The following LRRK2 variants were observed in gnomAD, a reference collection of about 807,000 sequenced individuals.
LRRK2 encodes leucine rich repeat kinase 2.
In LRRK2, 203 loss-of-function variants were observed where a neutral mutation model predicts 302.6. The observed-to-expected ratio is 0.67, with a 90% CI of 0.60 to 0.75. LRRK2 has a LOEUF of 0.75. Ranked by LOEUF, LRRK2 falls within the 30% of genes least tolerant of loss-of-function variation. The probability of loss-of-function intolerance (pLI) is 0.00; values close to 1 mark genes in which losing one functional copy is unlikely to be tolerated. For synonymous variants in LRRK2, 1,066 were observed against 1,031.9 expected (o/e 1.03, Z -0.63); for missense variants, 2,830 against 2,951.0 (o/e 0.96, Z 0.95).
chr12:40,313,112 CT>C (rs1222862232), intron 31 of LRRK2, among the ~76,000 whole-genome samples: 44 of 152,016 alleles, frequency 2.9e-4, no homozygotes, highest in Admixed American at 2.7e-3. Flanking sequence ...AGCAGAAATT[CT>C]GATTCGTATT....
Position 40,259,607 on chromosome 12 carries a change from A to G in LRRK2, c.1543+3A>G, listed in dbSNP as rs751913970. 2 of 1,612,900 alleles carry G rather than the reference A, an allele frequency of 1.2e-6. No individual in the cohort carries two copies. Among genetic ancestry groups the G allele is most frequent in the Non-Finnish European group, 1.7e-6 (2 of 1,179,110 alleles). ...TATTTTACATTTTATAGTGCCTGGT[A>G]AGTTACATAGTTGATTGTGGGAAGA... On this transcript the variant is annotated splice_donor_region_variant and intron_variant, in intron 13 of 50. Coordinates refer to ENST00000298910, the MANE Select transcript of LRRK2 (RefSeq NM_198578.4).
intron 18 of LRRK2, among the ~76,000 whole-genome samples, chr12:40,281,462 T>C (rs1943694135): frequency 6.6e-6 from 1 of 152,246 alleles, no homozygotes; most frequent in East Asian, 1.9e-4. Flanking sequence ...TATTATAAAT[T>C]AGATGATCAG....
intron 44 of LRRK2, among the ~76,000 whole-genome samples, chr12:40,352,797 G>A (rs1946395705): frequency 6.6e-6 from 1 of 151,910 alleles, no homozygotes; most frequent in Admixed American, 6.6e-5. Context: ...TAGATCAACA[G>A]CATCCCAAGG....
At chr12:40,301,943 C>T (rs1019262682) in intron 25 of LRRK2, among the ~76,000 whole-genome samples, 2 of 152,086 alleles carry the variant, frequency 1.3e-5, no homozygotes, top group African/African-American at 4.8e-5. Flanking sequence ...CTTTGGGAGG[C>T]CGGGGCGGGC....
chr12:40,249,920 A>T lies in LRRK2; in HGVS notation c.933A>T (p.Ser311=). The T allele has an allele frequency of 1.2e-6, 2 of 1,613,856 alleles. No individual in the cohort carries two copies. The highest frequency in any genetic ancestry group is 2.7e-5 in the African/African-American group (2 of 75,042). The change falls in exon 8 of 51, where the codon TCA becomes TCT. Residue 311 remains serine, a synonymous_variant. Transcript: ENST00000298910. ...CAGAGAATGCAGCATTGCAGATCTC[A>T]GCGCTCAGCTGTTTGGCCCTCCTCA... ...QYPENAALQI[S]ALSCLALLTE... is the part of the protein sequence containing the mutation.
chr12:40,326,477 G>A lies in LRRK2; in HGVS notation c.5657-1883G>A, dbSNP rs202245100. Among the ~76,000 whole-genome samples, 657 of 116,526 alleles carry A rather than the reference G, an allele frequency of 5.6e-3. 4 individuals are homozygous for A. The highest frequency in any genetic ancestry group is 0.013 in the African/African-American group (421 of 32,504). The allele number at this position is 116,526 out of a possible 152,430, so 76.4% of individuals were successfully genotyped here. ...CGAGACTCTGTCTCAAAAAAAAAAA[G>A]AAAAAAAAAAAGAAAAAAAAAACAA... On this transcript the variant is annotated intron_variant, in intron 38 of 50. Coordinates refer to ENST00000298910, the MANE Select transcript of LRRK2 (RefSeq NM_198578.4).
intron 27 of LRRK2, among the ~76,000 whole-genome samples, chr12:40,305,390 A>C (rs540795082): frequency 6.6e-6 from 1 of 152,162 alleles, no homozygotes; most frequent in East Asian, 1.9e-4. Flanking sequence ...ACTAAATTGC[A>C]TGCAGGTTTG....
chr12:40,238,345 A>G (rs2136423366), intron 5 of LRRK2, among the ~76,000 whole-genome samples: 1 of 152,274 alleles, frequency 6.6e-6, no homozygotes, highest in Non-Finnish European at 1.5e-5. Flanking sequence ...TCAATTGCTT[A>G]ACAAGGCATA....
At chr12:40,352,036 T>C (rs11176153) in intron 44 of LRRK2, among the ~76,000 whole-genome samples, 22,716 of 152,168 alleles carry the variant, frequency 0.15, 1,918 homozygotes, top group Middle Eastern at 0.29. Context: ...AGAAATGTGG[T>C]TTCTGAAGAG....
chr12:40,234,212 A>G (rs1941330334), intron 3 of LRRK2, among the ~76,000 whole-genome samples: 1 of 152,126 alleles, frequency 6.6e-6, no homozygotes, highest in African/African-American at 2.4e-5. Context: ...TTGAATACAT[A>G]CAAAACTCTA....
chr12:40,351,652 A>C lies in LRRK2; in HGVS notation c.6495A>C (p.Ala2165=). 1 of 1,614,216 alleles carries C rather than the reference A, an allele frequency of 6.2e-7. No individual in the cohort carries two copies. Among genetic ancestry groups the C allele is most frequent in the Non-Finnish European group, 8.5e-7 (1 of 1,180,034 alleles). Residue 2165 remains alanine (A), a synonymous_variant, in exon 44 of 51, where the codon GCA becomes GCC. Transcript: ENST00000298910. ...CTACACATCACAACAGCAGGAATGCAAGCATTTGGCTGGGCTGTGGGCACA... is the reference window on the plus strand; with the variant it reads ...CTACACATCACAACAGCAGGAATGCCAGCATTTGGCTGGGCTGTGGGCACA... ...MVATHHNSRN[A]SIWLGCGHTD...
chr12:40,293,129 C>G (rs1257106433), intron 20 of LRRK2, among the ~76,000 whole-genome samples: 3 of 152,042 alleles, frequency 2.0e-5, no homozygotes, highest in African/African-American at 7.2e-5. Flanking sequence ...TTCAGAGAAA[C>G]AGAAAGCAGT....
chr12:40,323,421 T>G, intron 38 of LRRK2, 115 bp downstream of exon 38: 1 of 922,524 alleles, frequency 1.1e-6, no homozygotes, highest in African/African-American at 1.7e-5. Context: ...CATATATTTG[T>G]TATAATTTTT....
intron 7 of LRRK2, 102 bp downstream of exon 7, chr12:40,243,783 A>T: frequency 1.8e-6 from 2 of 1,110,478 alleles, no homozygotes; most frequent in Non-Finnish European, 2.6e-6. Flanking sequence ...ATATTGACAT[A>T]CTTTGAATGA....
intron 14 of LRRK2, among the ~76,000 whole-genome samples, chr12:40,268,432 A>G (rs1943107988): frequency 6.6e-6 from 1 of 152,182 alleles, no homozygotes; most frequent in African/African-American, 2.4e-5. Context: ...AACAATGACA[A>G]CAACAAATTA....
At chr12:40,288,527 G>C (rs1275754658) in intron 20 of LRRK2, among the ~76,000 whole-genome samples, 3 of 151,682 alleles carry the variant, frequency 2.0e-5, no homozygotes, top group South Asian at 4.1e-4. Flanking sequence ...TTTTGTGTCT[G>C]TTTTCCAAAA....
At position 40,322,452 on chromosome 12, in the gene LRRK2, T is replaced by C. The variant is rs200924532; in HGVS notation, c.5451T>C (p.Asn1817=). 1 of 1,613,486 alleles carries C rather than the reference T, an allele frequency of 6.2e-7. No homozygotes were observed. Among genetic ancestry groups the C allele is most frequent in the East Asian group, 2.2e-5 (1 of 44,832 alleles). The change falls in exon 37 of 51, where the codon AAT becomes AAC. Residue 1817 remains asparagine, a synonymous_variant. Transcript: ENST00000298910. ...AGAAATGGGCATTATATAGTTTTAA[T>C]GATGGTGAAGAACATCAAAAAATCT... The part of the protein sequence containing the change: ...LLKKWALYSF[N]DGEEHQKILL...
chr12:40,283,792 A>G, intron 18 of LRRK2, 83 bp from the exon 19 acceptor site: 4 of 1,228,982 alleles, frequency 3.3e-6, no homozygotes, highest in Admixed American at 2.2e-5. Flanking sequence ...GTAGAGAAAA[A>G]TCACATGAAG....
At chr12:40,274,401 G>A (rs564061068) in intron 14 of LRRK2, among the ~76,000 whole-genome samples, 182 bp from the exon 15 acceptor site, 1 of 152,160 alleles carries the variant, frequency 6.6e-6, no homozygotes, top group Non-Finnish European at 1.5e-5. Flanking sequence ...CTCCTTAATT[G>A]TAAAAATGCT....
Sources: gnomAD v4.1 joint callset for allele counts (sites outside exome capture counted in the v4.1 genomes callset) on GRCh38, gnomAD v4.1.1 for gene constraint, MANE v1.5 for transcripts, NCBI Gene and HGNC (gene_info 2026-07-23, HGNC 2026-07-21) for gene names.